Variants in BACH1 observed in about 807,000 individuals in gnomAD.
The protein encoded by BACH1 is transcription regulator protein BACH1.
In BACH1, 35 loss-of-function variants were observed where a neutral mutation model predicts 52.9. The ratio of observed to expected loss-of-function variants is 0.66; its 90% CI spans 0.51 to 0.88. The LOEUF is 0.88. Ranked by LOEUF, BACH1 falls within the 40% of genes least tolerant of loss-of-function variation. BACH1 has a pLI of 0.00. For missense variants in BACH1, 808 were observed against 872.6 expected (o/e 0.93, Z 0.93); for synonymous variants, 321 against 319.6 (o/e 1.00, Z -0.05).
At chr21:29,328,756 G>T (rs1465590892) in intron 3 of BACH1, among the ~76,000 whole-genome samples, 1 of 152,096 alleles carries the variant, frequency 6.6e-6, no homozygotes, top group Admixed American at 6.6e-5. Context: ...GTTTCTGTGA[G>T]TTTGACTGTT....
intron 1 of BACH1, among the ~76,000 whole-genome samples, chr21:29,306,663 TG>T (rs1194393034): frequency 6.6e-6 from 1 of 152,212 alleles, no homozygotes; most frequent in Non-Finnish European, 1.5e-5. Flanking sequence ...AATGGTGTTG[TG>T]CAGTTAACAG....
intron 4 of BACH1, among the ~76,000 whole-genome samples, chr21:29,337,688 G>A (rs377649211): frequency 2.0e-5 from 3 of 152,222 alleles, no homozygotes; most frequent in African/African-American, 2.4e-5. Context: ...ATCACACACC[G>A]GGGCCTGTCG....
chr21:29,358,033 G>T (rs1432143552), intron 2 of BACH1, among the ~76,000 whole-genome samples: 1 of 152,102 alleles, frequency 6.6e-6, no homozygotes, highest in Non-Finnish European at 1.5e-5. Context: ...CACTTCTTCT[G>T]CCCTTTCCTT....
chr21:29,310,434 G>T (rs776341091), intron 1 of BACH1, among the ~76,000 whole-genome samples: 3 of 152,228 alleles, frequency 2.0e-5, no homozygotes, highest in Non-Finnish European at 1.5e-5. Flanking sequence ...TGGCAACCAA[G>T]ATTTCTGGAC....
chr21:29,308,112 G>T (rs538101034), intron 1 of BACH1, among the ~76,000 whole-genome samples: 2 of 152,186 alleles, frequency 1.3e-5, no homozygotes, highest in East Asian at 3.9e-4. Context: ...CTATATTTCA[G>T]CTTTATTTAT....
rs749919709 is a variant in BACH1, at chr21:29,327,187, A to G, written c.1363A>G (p.Thr455Ala). The change falls in exon 3 of 5, where the codon ACA becomes GCA. Residue 455 changes from threonine (T) to alanine (A), a missense_variant. By Grantham distance (58) the Thr-to-Ala change is moderately conservative (BLOSUM62 0). Coordinates refer to ENST00000286800, the MANE Select transcript of BACH1 (RefSeq NM_001186.4). ...SPEPGQRTFT[T>A]LSSVNCPFIS... ...AGAACCAGGTCAAAGGACTTTCACA[A>G]CATTAAGTTCTGTCAACTGCCCTTT... 1.2e-5 allele frequency: 19 copies of G among 1,614,134 alleles called. No homozygotes were observed. The highest frequency in any genetic ancestry group is 5.5e-5 in the South Asian group (5 of 91,090).
chr21:29,322,271 G>A (rs549558357), intron 2 of BACH1, among the ~76,000 whole-genome samples: 2 of 152,162 alleles, frequency 1.3e-5, no homozygotes, highest in African/African-American at 2.4e-5. Context: ...TAAAACGTCC[G>A]TTTTCCCAAG....
Position 29,345,238 on chromosome 21 carries a change from C to G in BACH1, c.*2405C>G, listed in dbSNP as rs1036799555. 2 of 152,546 alleles carry G rather than the reference C, an allele frequency of 1.3e-5. No individual in the cohort carries two copies. The highest frequency in any genetic ancestry group is 4.8e-5 in the African/African-American group (2 of 41,430). 9.4% of individuals were successfully genotyped at this position (152,546 alleles called of 1,614,324 possible). A position where few individuals can be genotyped will look rare whatever the true frequency, so the allele number is the denominator to read the frequency against. ...TATTGCATAGCATTACACATTTATG[C>G]CTATTTTAACATTAACTTCTAAAGA... On this transcript the variant is annotated 3_prime_UTR_variant, in exon 5 of 5. Coordinates refer to ENST00000286800, the MANE Select transcript of BACH1 (RefSeq NM_001186.4).
chr21:29,352,057 C>CTT (rs35436105), intron 2 of BACH1, among the ~76,000 whole-genome samples: 9 of 139,846 alleles, frequency 6.4e-5, no homozygotes, highest in East Asian at 2.1e-4. Context: ...ACCTAGTTTT[C>CTT]TTTTTTTTTT....
intron 1 of BACH1, among the ~76,000 whole-genome samples, chr21:29,312,943 G>C (rs2088743154): frequency 1.3e-5 from 2 of 152,084 alleles, no homozygotes; most frequent in Non-Finnish European, 2.9e-5. Context: ...CACAAAAGAA[G>C]GTATACAAAT....
At chr21:29,332,793 T>TA (rs1445507855) in intron 4 of BACH1, among the ~76,000 whole-genome samples, 4 of 152,222 alleles carry the variant, frequency 2.6e-5, no homozygotes, top group African/African-American at 4.8e-5. Flanking sequence ...GAGAGCATCT[T>TA]ACTGGCTGAA....
intron 2 of BACH1, among the ~76,000 whole-genome samples, chr21:29,324,485 T>C (rs1355370583): frequency 2.0e-5 from 3 of 152,158 alleles, no homozygotes; most frequent in Middle Eastern, 3.2e-3. Context: ...TAGCTGAGAT[T>C]ATCCAGCTTG....
chr21:29,306,777 T>G (rs1255093620), intron 1 of BACH1, among the ~76,000 whole-genome samples: 1 of 152,174 alleles, frequency 6.6e-6, no homozygotes, highest in Non-Finnish European at 1.5e-5. Flanking sequence ...TTTAGGTGAC[T>G]TTTTTTCCTC....
chr21:29,347,720 G>C (rs950503252), downstream of BACH1, among the ~76,000 whole-genome samples: 1 of 152,164 alleles, frequency 6.6e-6, no homozygotes, highest in African/African-American at 2.4e-5. Flanking sequence ...GTCTCAGAAG[G>C]CTCTGGATCC....
chr21:29,337,717 A>AG (rs1423886953), intron 4 of BACH1, among the ~76,000 whole-genome samples: 1 of 151,898 alleles, frequency 6.6e-6, no homozygotes, highest in Non-Finnish European at 1.5e-5. Context: ...GGGAGTGGGG[A>AG]GGGATAGCAT....
intron 1 of BACH1, among the ~76,000 whole-genome samples, chr21:29,309,125 A>T (rs1430831002): frequency 6.6e-6 from 1 of 151,954 alleles, no homozygotes; most frequent in South Asian, 2.1e-4. Flanking sequence ...GGGCGTGGTG[A>T]TGCTCGCCTG....
rs2089126482 is a variant in BACH1 at position 29,342,553 on chromosome 21, C to T, written c.1931C>T (p.Ala644Val). Reference protein sequence around the residue: ...QIQILAKYSAADCPLSFLISE... With the variant: ...QIQILAKYSAVDCPLSFLISE... The stretch of plus-strand genomic sequence containing the variant: ...CAGATACTCGCCAAGTACTCAGCTG[C>T]AGATTGCCCACTTTCATTTTTAATT... Residue 644 changes from alanine to valine, a missense_variant, in exon 5 of 5, where the codon GCA becomes GTA. By Grantham distance (64) the Ala-to-Val change is moderately conservative. Coordinates refer to ENST00000286800, the MANE Select transcript of BACH1 (RefSeq NM_001186.4). 3 of 1,614,118 alleles carry T rather than the reference C, an allele frequency of 1.9e-6. No homozygotes were observed. The highest frequency in any genetic ancestry group is 1.7e-6 in the Non-Finnish European group (2 of 1,180,056).
At chr21:29,336,654 C>G (rs1454741206) in intron 4 of BACH1, among the ~76,000 whole-genome samples, 2 of 151,890 alleles carry the variant, frequency 1.3e-5, no homozygotes, top group Non-Finnish European at 2.9e-5. Flanking sequence ...TTCTTCCTTT[C>G]TTTCTCTTTT....
intron 2 of BACH1, among the ~76,000 whole-genome samples, chr21:29,356,725 T>C (rs2089236840): frequency 6.6e-6 from 1 of 152,282 alleles, no homozygotes; most frequent in Non-Finnish European, 1.5e-5. Flanking sequence ...TTGTTTACAC[T>C]GACAACAAGG....
Sources: gnomAD v4.1 joint callset for allele counts (sites outside exome capture counted in the v4.1 genomes callset) on GRCh38, gnomAD v4.1.1 for gene constraint, MANE v1.5 for transcripts, NCBI Gene and HGNC (gene_info 2026-07-23, HGNC 2026-07-21) for gene names.